Variants in GLB1 observed in about 807,000 individuals in gnomAD.
GLB1 encodes beta-galactosidase.
A neutral mutation model predicts 74.0 loss-of-function variants in GLB1; 56 were observed. The ratio of observed to expected loss-of-function variants is 0.76; its 90% CI spans 0.61 to 0.94. The LOEUF (loss-of-function observed/expected upper bound fraction) is 0.94, where lower values mean the gene tolerates loss of function less well. GLB1 is among the 40% of genes least tolerant of loss of function. The pLI, the probability that GLB1 is intolerant of heterozygous loss-of-function variation, is 0.00. For missense variants in GLB1, 787 were observed against 845.5 expected, an observed-to-expected ratio of 0.93 and a Z score of 0.86; for synonymous variants, 323 against 323.6, an observed-to-expected ratio of 1.00 and a Z score of 0.02.
chr3:33,002,951 T>A lies in GLB1; in HGVS notation c.1735-5607A>T, dbSNP rs146107984. Among the ~76,000 whole-genome samples, 150 of 152,034 alleles carry A rather than the reference T, an allele frequency of 9.9e-4. 2 individuals are homozygous for A. Among genetic ancestry groups the A allele is most frequent in the African/African-American group, 3.2e-3 (131 of 41,462 alleles). On this transcript the variant is annotated intron_variant, in intron 15 of 15. Coordinates refer to ENST00000307363, the MANE Select transcript of GLB1 (RefSeq NM_000404.4). ...GAGAAAGAGAAGAAAAAGAGGAGAATTGAAAAGAAAAAAAGGTAAAAGCCT... is the reference window on the plus strand; with the variant it reads ...GAGAAAGAGAAGAAAAAGAGGAGAAATGAAAAGAAAAAAAGGTAAAAGCCT...
At chr3:32,974,995 G>T in the GLB1 span, among the ~76,000 whole-genome samples, 8 of 152,294 alleles carry the variant, frequency 5.3e-5, no homozygotes, top group South Asian at 1.5e-3. Context: ...TTCCCTGCTG[G>T]AGTCTAGCCC....
At chr3:32,985,818 A>C in the GLB1 span, among the ~76,000 whole-genome samples, 1 of 151,418 alleles carries the variant, frequency 6.6e-6, no homozygotes. Flanking sequence ...CGATTGTCAT[A>C]CCTCAGCCTC....
intron 10 of GLB1, chr3:33,030,737 C>A (rs1046922905): frequency 1.5e-5 from 15 of 985,442 alleles, no homozygotes; most frequent in African/African-American, 1.7e-5. Context: ...TATCAAGGTC[C>A]TCACTACCAC....
At chr3:33,082,510 T>C (rs1700359259) in intron 1 of GLB1, among the ~76,000 whole-genome samples, 1 of 152,166 alleles carries the variant, frequency 6.6e-6, no homozygotes. Flanking sequence ...AAATTGCCCG[T>C]GAGCCTCTGC....
intron 9 of GLB1, among the ~76,000 whole-genome samples, chr3:33,050,047 T>C (rs1486608113): frequency 1.3e-5 from 2 of 152,064 alleles, no homozygotes; most frequent in Non-Finnish European, 2.9e-5. Flanking sequence ...TCCTCCATGA[T>C]TCAGAGAGAA....
Position 33,045,698 on chromosome 3 carries a change from C to T in GLB1, c.1068+422G>A, listed in dbSNP as rs547845851. The T allele has an allele frequency of 8.0e-5, 85 of 1,057,534 alleles. No individual in the cohort carries two copies. The African/African-American group carries it at 1.1e-3, about 14-fold the overall frequency. 65.5% of individuals were successfully genotyped at this position (1,057,534 alleles called of 1,614,324 possible). ...GGATAGGGGCTCCCATATATCCATG[C>T]TGCCTTAATAGGGGCTATAGTCTCA... On this transcript the variant is annotated intron_variant, in intron 10 of 15. Transcript: ENST00000307363.
At chr3:33,035,890 G>A (rs987081869) in intron 10 of GLB1, among the ~76,000 whole-genome samples, 1 of 152,016 alleles carries the variant, frequency 6.6e-6, no homozygotes, top group Admixed American at 6.5e-5. Flanking sequence ...TACTTCAAAG[G>A]CACCATTACC....
At chr3:33,025,437 T>C (rs1276748963) in intron 10 of GLB1, among the ~76,000 whole-genome samples, 2 of 152,222 alleles carry the variant, frequency 1.3e-5, no homozygotes, top group Admixed American at 6.5e-5. Flanking sequence ...GTCTTAGAAA[T>C]GTCTGTAGCC....
In GLB1 at chr3:33,065,568, A is replaced by G. The variant is rs34204221; in HGVS notation, c.458-11T>C. ...CAGCTGCCAGGTAATCTGGAAAACA[A>G]GAAAAGTTTAACACAAGCTTGTCCA... On this transcript the variant is annotated splice_polypyrimidine_tract_variant and intron_variant, in intron 4 of 15. Transcript: ENST00000307363. 171,371 of 1,562,346 alleles carry G rather than the reference A, an allele frequency of 0.11. 10,018 individuals carry two copies. The highest frequency in any genetic ancestry group is 0.12 in the Non-Finnish European group (139,587 of 1,151,198).
intron 15 of GLB1, among the ~76,000 whole-genome samples, chr3:33,004,621 C>G (rs1049713696): frequency 2.6e-5 from 4 of 152,232 alleles, no homozygotes; most frequent in African/African-American, 4.8e-5. Flanking sequence ...TTGCTGAGAA[C>G]AGCTGGGTGA....
chr3:33,049,093 A>T (rs1698865966), intron 9 of GLB1, among the ~76,000 whole-genome samples: 1 of 152,176 alleles, frequency 6.6e-6, no homozygotes, highest in Non-Finnish European at 1.5e-5. Context: ...TTTTTAAAAA[A>T]TTGTGTCATG....
intron 10 of GLB1, among the ~76,000 whole-genome samples, chr3:33,035,214 T>G (rs1231614303): frequency 6.6e-6 from 1 of 152,068 alleles, no homozygotes; most frequent in African/African-American, 2.4e-5. Flanking sequence ...GGAGGATTGC[T>G]TGAGGTCAGG....
intron 12 of GLB1, among the ~76,000 whole-genome samples, chr3:33,019,018 A>G (rs904496380): frequency 6.6e-6 from 1 of 152,230 alleles, no homozygotes; most frequent in Non-Finnish European, 1.5e-5. Context: ...GCTTTAACAT[A>G]CAAAACAAAA....
intron 1 of GLB1, among the ~76,000 whole-genome samples, chr3:33,084,961 T>C (rs1700450567): frequency 1.3e-5 from 2 of 152,184 alleles, no homozygotes; most frequent in Non-Finnish European, 2.9e-5. Context: ...ATTAGGTTAC[T>C]AAGAACCAAA....
chr3:33,090,737 C>A (rs1700719720), intron 1 of GLB1: 1 of 985,376 alleles, frequency 1.0e-6, no homozygotes, highest in East Asian at 1.1e-4. Context: ...AAAATGTCCG[C>A]CGCGTCAGGG....
intron 5 of GLB1, among the ~76,000 whole-genome samples, chr3:33,064,820 T>C (rs1575467326): frequency 6.7e-6 from 1 of 148,484 alleles, no homozygotes; most frequent in African/African-American, 2.5e-5. Context: ...GCATCCTTGG[T>C]CAATGTCCAA....
intron 15 of GLB1, among the ~76,000 whole-genome samples, chr3:32,999,399 G>A (rs913235984): frequency 6.6e-6 from 1 of 152,134 alleles, no homozygotes; most frequent in Non-Finnish European, 1.5e-5. Context: ...GGAATGGCAC[G>A]CACCACACAG....
chr3:32,983,743 A>G, the GLB1 span, among the ~76,000 whole-genome samples: 1 of 151,984 alleles, frequency 6.6e-6, no homozygotes, highest in African/African-American at 2.4e-5. Context: ...CAGTGGTGCA[A>G]TCATGGCTCA....
chr3:33,081,446 C>A (rs1700321367), intron 1 of GLB1, among the ~76,000 whole-genome samples: 1 of 152,176 alleles, frequency 6.6e-6, no homozygotes, highest in Admixed American at 6.5e-5. Context: ...ACTGCCTTGG[C>A]ATCCTGAGAA....
Sources: gnomAD v4.1 joint callset for allele counts (sites outside exome capture counted in the v4.1 genomes callset) on GRCh38, gnomAD v4.1.1 for gene constraint, MANE v1.5 for transcripts, NCBI Gene and HGNC (gene_info 2026-07-23, HGNC 2026-07-21) for gene names.